BSPRY: variants seen among roughly 807,000 people sequenced by gnomAD.
BSPRY encodes B-box and SPRY domain containing, also known as B box and SPRY domain-containing protein.
BSPRY carries 33 observed loss-of-function variants against 38.0 expected under a neutral mutation model. The observed-to-expected ratio is 0.87, with a 90% CI of 0.66 to 1.16. The LOEUF is 1.16. BSPRY is among the 50% of genes most tolerant of loss of function. BSPRY has a pLI of 0.00. For synonymous variants in BSPRY, 224 were observed against 228.5 expected, an observed-to-expected ratio of 0.98 and a Z score of 0.18; for missense variants, 523 against 533.2, an observed-to-expected ratio of 0.98 and a Z score of 0.19.
intron 3 of BSPRY, among the ~76,000 whole-genome samples, chr9:113,361,149 C>T (rs1834147104): frequency 6.6e-6 from 1 of 152,036 alleles, no homozygotes; most frequent in Non-Finnish European, 1.5e-5. Flanking sequence ...AGTAATTTTC[C>T]ATCCACTAAC....
rs780760989 is a variant in BSPRY, at chr9:113,362,376, A to G, written c.539A>G (p.Glu180Gly). 5 of 1,614,116 alleles carry G rather than the reference A, an allele frequency of 3.1e-6. No individual in the cohort carries two copies. The Admixed American group carries it at 8.3e-5, about 27-fold the overall frequency. The change falls in exon 4 of 6, where the codon GAG becomes GGG. Residue 180 changes from glutamate to glycine, a missense_variant. Glu to Gly is a moderately conservative substitution (Grantham distance 98, BLOSUM62 -2). Coordinates refer to ENST00000374183, the MANE Select transcript of BSPRY (RefSeq NM_017688.3). Reference sequence around the variant, plus strand: ...TGTTTTCTTTTCTCACAGCAGAAGGAGCAAGAGATTTTCGAGAGGTGAGTA... The same window carrying G: ...TGTTTTCTTTTCTCACAGCAGAAGGGGCAAGAGATTTTCGAGAGGTGAGTA... ...HLDDLQLIQK[E>G]QEIFERTEEA...
At chr9:113,362,215 A>T (rs1034365870) in intron 3 of BSPRY, among the ~76,000 whole-genome samples, 154 bp from the exon 4 acceptor site, 17 of 136,474 alleles carry the variant, frequency 1.2e-4, no homozygotes, top group Non-Finnish European at 2.4e-4. Context: ...GTGTGTGTGT[A>T]GAATAGCCTA....
intron 1 of BSPRY, among the ~76,000 whole-genome samples, chr9:113,351,135 G>T (rs761332766): frequency 8.5e-5 from 13 of 152,174 alleles, no homozygotes; most frequent in Non-Finnish European, 1.6e-4. Flanking sequence ...TAGCTATCAG[G>T]ACTGGATTTG....
chr9:113,362,362 C>T lies in BSPRY; in HGVS notation c.532-7C>T. 4 of 1,614,160 alleles carry T rather than the reference C, an allele frequency of 2.5e-6. No homozygotes were observed. Among genetic ancestry groups the T allele is most frequent in the South Asian group, 1.1e-5 (1 of 91,082 alleles). On this transcript the variant is annotated splice_polypyrimidine_tract_variant and splice_region_variant and intron_variant, in intron 3 of 5. Transcript: ENST00000374183. ...GCCAAGCTTGACTTTGTTTTCTTTT[C>T]TCACAGCAGAAGGAGCAAGAGATTT...
Position 113,370,087 on chromosome 9 carries a change from G to C in BSPRY, c.1154G>C (p.Gly385Ala). Residue 385 changes from glycine to alanine, a missense_variant, in exon 6 of 6, where the codon GGG becomes GCG. Coordinates refer to ENST00000374183, the MANE Select transcript of BSPRY (RefSeq NM_017688.3). The surrounding 1 kb of genome is among the most constrained non-coding windows in gnomAD (Gnocchi z 4.8). ...VLCAHHVSFP[G>A]PLFPVFAVAD... ...TGTGCCCATCATGTGTCCTTCCCGG[G>C]GCCCCTCTTCCCAGTCTTTGCTGTG... 6.2e-7 allele frequency: 1 copy of C among 1,609,426 alleles called. No individual in the cohort carries two copies. The highest frequency in any genetic ancestry group is 8.5e-7 in the Non-Finnish European group (1 of 1,178,008).
At chr9:113,364,848 A>C (rs1228250096) in intron 4 of BSPRY, among the ~76,000 whole-genome samples, 1 of 152,042 alleles carries the variant, frequency 6.6e-6, no homozygotes, top group Admixed American at 6.6e-5. Flanking sequence ...TACACAGTCC[A>C]TATCCAACTG....
At chr9:113,363,343 G>T (rs1306971196) in intron 4 of BSPRY, among the ~76,000 whole-genome samples, 1 of 152,172 alleles carries the variant, frequency 6.6e-6, no homozygotes, top group African/African-American at 2.4e-5. Context: ...TCAGAAGGCT[G>T]AGACAGGAGC....
chr9:113,358,478 G>A (rs1379774374), intron 2 of BSPRY, among the ~76,000 whole-genome samples: 1 of 151,734 alleles, frequency 6.6e-6, no homozygotes, highest in African/African-American at 2.4e-5. Context: ...TTATTGGCCA[G>A]GTTGGTCTTA....
chr9:113,370,426 GTC>G lies in BSPRY; in HGVS notation c.*286_*287del. On this transcript the variant is annotated 3_prime_UTR_variant, in exon 6 of 6. Coordinates refer to ENST00000374183, the MANE Select transcript of BSPRY (RefSeq NM_017688.3). This position sits in a 1 kb window ranked among gnomAD's most constrained non-coding sequence, Gnocchi z 4.8. Reference sequence around the variant, plus strand: ...CTGATGAGCTAAAAAAAAAAAAAAAGTCTGTGTATAATTTTTGTGATATCTGC... The same window carrying G: ...CTGATGAGCTAAAAAAAAAAAAAAAGTGTGTATAATTTTTGTGATATCTGC... 3.7e-6 allele frequency: 1 copy of G among 267,142 alleles called. No individual in the cohort carries two copies. Among genetic ancestry groups the G allele is most frequent in the Non-Finnish European group, 6.9e-6 (1 of 145,028 alleles). The allele number at this position is 267,142 out of a possible 1,614,324, so 16.5% of individuals were successfully genotyped here.
chr9:113,366,826 A>G (rs1303743947), intron 4 of BSPRY, among the ~76,000 whole-genome samples: 1 of 152,184 alleles, frequency 6.6e-6, no homozygotes, highest in Non-Finnish European at 1.5e-5. Flanking sequence ...TATACCTCCC[A>G]AGACAGAACA....
chr9:113,365,495 C>A (rs928521335), intron 4 of BSPRY, among the ~76,000 whole-genome samples: 1 of 152,198 alleles, frequency 6.6e-6, no homozygotes, highest in Admixed American at 6.5e-5. Context: ...AAGTTCCCAT[C>A]ATTCTTTGAG....
At chr9:113,354,210 A>G in intron 1 of BSPRY, 30 bp from the exon 2 acceptor site, 1 of 1,594,882 alleles carries the variant, frequency 6.3e-7, no homozygotes, top group Non-Finnish European at 8.6e-7. Flanking sequence ...TACATGGACC[A>G]AGATGCCACA....
intron 4 of BSPRY, among the ~76,000 whole-genome samples, chr9:113,364,899 T>C (rs923981137): frequency 6.6e-6 from 1 of 152,144 alleles, no homozygotes; most frequent in African/African-American, 2.4e-5. Context: ...TTTTATTTTG[T>C]TTTCCTAATT....
At chr9:113,350,539 G>A (rs1185845854) in intron 1 of BSPRY, among the ~76,000 whole-genome samples, 1 of 152,080 alleles carries the variant, frequency 6.6e-6, no homozygotes, top group Non-Finnish European at 1.5e-5. Context: ...CTGAGCTGCT[G>A]AGATTGGGAG....
At chr9:113,359,884 A>AAGT (rs1834120898) in intron 2 of BSPRY, among the ~76,000 whole-genome samples, 3 of 76,920 alleles carry the variant, frequency 3.9e-5, no homozygotes, top group Non-Finnish European at 7.3e-5. Context: ...AAAAAAATTT[A>AAGT]AAAAAAAAAA....
Position 113,363,614 on chromosome 9 carries a change from C to T in BSPRY, c.557+1220C>T, listed in dbSNP as rs1325526411. On this transcript the variant is annotated intron_variant, in intron 4 of 5. Coordinates refer to ENST00000374183, the MANE Select transcript of BSPRY (RefSeq NM_017688.3). ...TAAAAATGTTTTTTAGGCCCGGTGG[C>T]TCATGCCTATAATCCCAGCACTTTG... Among the ~76,000 whole-genome samples the T allele has an allele frequency of 2.0e-5, 3 of 151,916 alleles. No homozygotes were observed. In the East Asian group the frequency reaches 5.8e-4, roughly 29 times the overall value.
intron 1 of BSPRY, among the ~76,000 whole-genome samples, 175 bp downstream of exon 1, chr9:113,349,955 A>C (rs534190677): frequency 6.6e-6 from 1 of 152,156 alleles, no homozygotes; most frequent in Non-Finnish European, 1.5e-5. Flanking sequence ...TGGCCTCTGA[A>C]GTCAGGCTGG....
intron 4 of BSPRY, 107 bp downstream of exon 4, chr9:113,362,501 G>A: frequency 8.2e-7 from 1 of 1,223,278 alleles, no homozygotes; most frequent in Non-Finnish European, 1.2e-6. Context: ...CACAGGGTGT[G>A]CAGCTGAGTG....
chr9:113,349,978 T>C (rs1389522755), intron 1 of BSPRY, among the ~76,000 whole-genome samples, 198 bp downstream of exon 1: 1 of 152,192 alleles, frequency 6.6e-6, no homozygotes, highest in Non-Finnish European at 1.5e-5. Context: ...TGAGTTCGAA[T>C]CTACTCCCTG....
Sources: gnomAD v4.1 joint callset for allele counts (sites outside exome capture counted in the v4.1 genomes callset) on GRCh38, gnomAD v4.1.1 for gene constraint, Gnocchi (gnomAD v3.1) non-coding constraint, MANE v1.5 for transcripts, NCBI Gene and HGNC (gene_info 2026-07-23, HGNC 2026-07-21) for gene names.